TASP1: variants seen among roughly 807,000 people sequenced by gnomAD.
TASP1 encodes the protein taspase 1.
In TASP1, 16 loss-of-function variants were observed where a neutral mutation model predicts 56.6. That is an observed-to-expected ratio of 0.28 (90% CI 0.19 to 0.43). The LOEUF is 0.43. Ranked by LOEUF, TASP1 falls within the 20% of genes least tolerant of loss-of-function variation. TASP1 has a pLI of 1.00. For synonymous variants in TASP1, 179 were observed against 184.2 expected (o/e 0.97, Z 0.23); for missense variants, 393 against 511.6 (o/e 0.77, Z 2.24).
chr20:13,472,101 A>C (rs2044525670), intron 11 of TASP1, among the ~76,000 whole-genome samples: 1 of 147,754 alleles, frequency 6.8e-6, no homozygotes, highest in Non-Finnish European at 1.5e-5. Flanking sequence ...ATACTACAGT[A>C]ACCAAAACAG....
chr20:13,389,628 T>C lies in TASP1; in HGVS notation c.*732A>G, dbSNP rs1218995014. The C allele has an allele frequency of 1.3e-5, 2 of 152,670 alleles. No homozygotes were observed. Among genetic ancestry groups the C allele is most frequent in the African/African-American group, 4.8e-5 (2 of 41,456 alleles). 9.5% of individuals were successfully genotyped at this position (152,670 alleles called of 1,614,324 possible). A position where few individuals can be genotyped will look rare whatever the true frequency, so the allele number is the denominator to read the frequency against. On this transcript the variant is annotated 3_prime_UTR_variant, in exon 14 of 14. Coordinates refer to ENST00000337743, the MANE Select transcript of TASP1 (RefSeq NM_017714.3). ...TACTGTATGTTCTCTTTACATATTC[T>C]TTCATAATATAGTCCATACAGCTCG...
At chr20:13,554,574 T>A (rs1267446853) in intron 8 of TASP1, among the ~76,000 whole-genome samples, 2 of 152,126 alleles carry the variant, frequency 1.3e-5, no homozygotes, top group African/African-American at 4.8e-5. Flanking sequence ...TTTTTCACAC[T>A]TTAAATTACA....
the TASP1 span, among the ~76,000 whole-genome samples, chr20:13,273,215 T>TTTTTATTTTA: frequency 0.26 from 33,630 of 130,446 alleles, 4,986 homozygotes; most frequent in Non-Finnish European, 0.29. Flanking sequence ...ACTTGGGTCT[T>TTTTTATTTTA]TTTTATTTTA....
At chr20:13,293,840 G>T in the TASP1 span, among the ~76,000 whole-genome samples, 1 of 152,040 alleles carries the variant, frequency 6.6e-6, no homozygotes, top group Non-Finnish European at 1.5e-5. Flanking sequence ...TGGGCTTGGT[G>T]GCAGGCGCCT....
the TASP1 span, among the ~76,000 whole-genome samples, chr20:13,170,967 A>T: frequency 6.6e-6 from 1 of 152,094 alleles, no homozygotes; most frequent in Non-Finnish European, 1.5e-5. Context: ...CTTAACTATG[A>T]CCCCAGCATG....
chr20:13,587,150 C>G, intron 5 of TASP1, 100 bp downstream of exon 5: 5 of 1,385,452 alleles, frequency 3.6e-6, no homozygotes, highest in Non-Finnish European at 4.8e-6. Context: ...AAACACTATT[C>G]CAAGCAGAAA....
At chr20:13,437,825 G>C (rs1158964804) in intron 11 of TASP1, among the ~76,000 whole-genome samples, 1 of 152,138 alleles carries the variant, frequency 6.6e-6, no homozygotes, top group Non-Finnish European at 1.5e-5. Flanking sequence ...CCTCTTCAAG[G>C]AGAACTACAA....
intron 9 of TASP1, among the ~76,000 whole-genome samples, chr20:13,530,397 C>G (rs1410941841): frequency 6.6e-6 from 1 of 152,188 alleles, no homozygotes. Context: ...GAAAGCCCTT[C>G]AGAAGTGATT....
the TASP1 span, among the ~76,000 whole-genome samples, chr20:13,222,134 G>A: frequency 6.6e-6 from 1 of 152,184 alleles, no homozygotes; most frequent in Non-Finnish European, 1.5e-5. Context: ...TGCGGGCTGC[G>A]CTCCTTCAGT....
intron 13 of TASP1, chr20:13,393,271 G>A: frequency 1.3e-6 from 1 of 745,234 alleles, no homozygotes; most frequent in Non-Finnish European, 2.5e-6. Flanking sequence ...CATGAGGGCT[G>A]TGTGGCTCTC....
At chr20:13,509,487 A>G (rs2044249969) in intron 10 of TASP1, among the ~76,000 whole-genome samples, 1 of 152,096 alleles carries the variant, frequency 6.6e-6, no homozygotes, top group African/African-American at 2.4e-5. Context: ...GTAGATCTTT[A>G]TTCTCACGAC....
At chr20:13,432,148 TA>T (rs1387461456) in intron 12 of TASP1, among the ~76,000 whole-genome samples, 1 of 152,222 alleles carries the variant, frequency 6.6e-6, no homozygotes, top group Admixed American at 6.5e-5. Flanking sequence ...ATAAAGTTAA[TA>T]TATCAAGAAA....
At chr20:13,433,841 T>TAAA (rs111973613) in intron 12 of TASP1, among the ~76,000 whole-genome samples, 1,758 of 116,106 alleles carry the variant, frequency 0.015, 52 homozygotes, top group African/African-American at 0.051. Flanking sequence ...GTGTTTGTAT[T>TAAA]AAAAAAAAAA....
chr20:13,445,662 A>AT lies in TASP1; in HGVS notation c.986-10509_986-10508insA, dbSNP rs568869564. 9.2e-5 allele frequency among the ~76,000 whole-genome samples: 14 copies of AT among 152,280 alleles called. No homozygotes were observed. The East Asian group carries it at 2.5e-3, about 27-fold the overall frequency. On this transcript the variant is annotated intron_variant, in intron 11 of 13. Transcript: ENST00000337743. The stretch of plus-strand genomic sequence containing the variant: ...TCTCCATGATTAACTTTTAGGTAAG[A>AT]AGTTCTTCGCCTTCAGAATCTACTA...
chr20:13,236,389 T>A, the TASP1 span, among the ~76,000 whole-genome samples: 1 of 152,170 alleles, frequency 6.6e-6, no homozygotes, highest in African/African-American at 2.4e-5. Context: ...TCCACCTGGG[T>A]CCTTCCCACA....
intron 6 of TASP1, among the ~76,000 whole-genome samples, chr20:13,576,351 AAG>A (rs1275744748): frequency 1.0e-5 from 1 of 96,506 alleles, no homozygotes; most frequent in Non-Finnish European, 2.2e-5. Flanking sequence ...GGAAGAAAGA[AAG>A]AAAGAAAGAA....
At chr20:13,212,008 C>T in the TASP1 span, among the ~76,000 whole-genome samples, 2 of 152,188 alleles carry the variant, frequency 1.3e-5, no homozygotes, top group African/African-American at 4.8e-5. Flanking sequence ...CTACGATCTT[C>T]ATTCATACTA....
the TASP1 span, among the ~76,000 whole-genome samples, chr20:13,133,382 C>T: frequency 6.6e-6 from 1 of 152,188 alleles, no homozygotes; most frequent in Non-Finnish European, 1.5e-5. Context: ...TGTAGTCACT[C>T]TTTCCCTCCC....
At chr20:13,435,533 G>C (rs2042971398) in intron 11 of TASP1, among the ~76,000 whole-genome samples, 1 of 152,114 alleles carries the variant, frequency 6.6e-6, no homozygotes. Context: ...TGCTGTCAGG[G>C]ACACACCACC....
Sources: gnomAD v4.1 joint callset for allele counts (sites outside exome capture counted in the v4.1 genomes callset) on GRCh38, gnomAD v4.1.1 for gene constraint, MANE v1.5 for transcripts, NCBI Gene and HGNC (gene_info 2026-07-23, HGNC 2026-07-21) for gene names.